Variants in MMS22L observed in about 807,000 individuals in gnomAD.
The protein encoded by MMS22L is MMS22 like, DNA repair protein.
MMS22L carries 74 observed loss-of-function variants against 159.1 expected under a neutral mutation model. The ratio of observed to expected loss-of-function variants is 0.47; its 90% CI spans 0.39 to 0.56. The LOEUF is 0.56. Ranked by LOEUF, MMS22L falls within the 20% of genes least tolerant of loss-of-function variation. The pLI is 0.00. For synonymous variants in MMS22L, 517 were observed against 506.9 expected (o/e 1.02, Z -0.27); for missense variants, 1,351 against 1,422.1 (o/e 0.95, Z 0.80).
intron 17 of MMS22L, among the ~76,000 whole-genome samples, chr6:97,179,058 C>T (rs1804412883): frequency 6.6e-6 from 1 of 151,992 alleles, no homozygotes; most frequent in African/African-American, 2.4e-5. Context: ...AGGGTGTTCA[C>T]AGTGTGATAT....
At chr6:97,212,237 T>A (rs190971401) in intron 14 of MMS22L, among the ~76,000 whole-genome samples, 2 of 152,302 alleles carry the variant, frequency 1.3e-5, no homozygotes, top group East Asian at 3.9e-4. Flanking sequence ...GGGCACTCAA[T>A]AAGTGTACTG....
chr6:97,254,501 A>G lies in MMS22L; in HGVS notation c.1119+56T>C, dbSNP rs1003709043. On this transcript the variant is annotated intron_variant, in intron 10 of 24. Transcript: ENST00000683635. ...TGCTCACTTATTTTCTAATTTGTCC[A>G]AATAATTACATATTAATTGACAATA... The G allele has an allele frequency of 4.2e-6, 6 of 1,416,220 alleles. No individual in the cohort carries two copies. The African/African-American group carries it at 8.7e-5, about 20-fold the overall frequency. The allele number at this position is 1,416,220 out of a possible 1,614,324, so 87.7% of individuals were successfully genotyped here.
intron 17 of MMS22L, 131 bp from the exon 18 acceptor site, chr6:97,178,716 T>C (rs1562423158): frequency 2.3e-6 from 1 of 440,168 alleles, no homozygotes; most frequent in Non-Finnish European, 3.8e-6. Context: ...ATGCTTTCTT[T>C]TAAAATTCAA....
intron 14 of MMS22L, among the ~76,000 whole-genome samples, chr6:97,196,219 G>A (rs571240058): frequency 3.3e-5 from 5 of 152,154 alleles, no homozygotes; most frequent in East Asian, 1.9e-4. Context: ...GTTAAGTGCC[G>A]AGACAGAGGT....
At chr6:97,211,558 A>G (rs1003638582) in intron 14 of MMS22L, among the ~76,000 whole-genome samples, 8 of 152,150 alleles carry the variant, frequency 5.3e-5, no homozygotes, top group Non-Finnish European at 7.4e-5. Context: ...GCACAGCTCT[A>G]TGTAGCATCC....
At chr6:97,245,739 ATAT>A (rs1359199466) in intron 11 of MMS22L, among the ~76,000 whole-genome samples, 5 of 152,066 alleles carry the variant, frequency 3.3e-5, no homozygotes, top group Non-Finnish European at 7.4e-5. Flanking sequence ...TATGTGATTC[ATAT>A]TATAACTAAA....
intron 12 of MMS22L, 67 bp downstream of exon 12, chr6:97,233,794 A>C: frequency 6.7e-7 from 1 of 1,497,890 alleles, no homozygotes. Flanking sequence ...TTAAACCATA[A>C]AGACATTCCT....
At chr6:97,223,058 C>T (rs1424919158) in intron 14 of MMS22L, among the ~76,000 whole-genome samples, 2 of 152,096 alleles carry the variant, frequency 1.3e-5, no homozygotes, top group Non-Finnish European at 1.5e-5. Flanking sequence ...TCAGTATTTT[C>T]ACAATGCTAC....
chr6:97,263,061 G>T (rs9398374), intron 9 of MMS22L, among the ~76,000 whole-genome samples: 14 of 151,822 alleles, frequency 9.2e-5, no homozygotes, highest in Non-Finnish European at 8.8e-5. Flanking sequence ...ACCTTAGTCT[G>T]AAAGATTTCT....
intron 22 of MMS22L, among the ~76,000 whole-genome samples, chr6:97,158,779 T>G (rs552531217): frequency 3.2e-4 from 49 of 152,322 alleles, no homozygotes; most frequent in African/African-American, 1.1e-3. Context: ...GACAAGAATG[T>G]ATATTCTGTT....
intron 18 of MMS22L, among the ~76,000 whole-genome samples, chr6:97,175,113 G>A (rs1049945715): frequency 4.6e-5 from 7 of 152,082 alleles, no homozygotes; most frequent in African/African-American, 1.7e-4. Flanking sequence ...TATGATATTA[G>A]AAAATTTTAT....
chr6:97,214,048 C>T (rs1245777194), intron 14 of MMS22L, among the ~76,000 whole-genome samples: 2 of 151,946 alleles, frequency 1.3e-5, no homozygotes, highest in Non-Finnish European at 2.9e-5. Flanking sequence ...GCTATGGCTC[C>T]CATTCATTTT....
At chr6:97,156,062 T>C (rs1801807157) in intron 22 of MMS22L, among the ~76,000 whole-genome samples, 1 of 152,224 alleles carries the variant, frequency 6.6e-6, no homozygotes, top group Non-Finnish European at 1.5e-5. Context: ...GGTTTTGATT[T>C]GCATTTCTCT....
intron 4 of MMS22L, among the ~76,000 whole-genome samples, chr6:97,276,414 T>C (rs2128098798): frequency 6.6e-6 from 1 of 150,800 alleles, no homozygotes; most frequent in Admixed American, 6.6e-5. Flanking sequence ...ATGCCTTCCA[T>C]GAACCCAATT....
chr6:97,144,127 A>AAAAAG lies in MMS22L; in HGVS notation c.*2678_*2679insCTTTT, dbSNP rs1800782535. On this transcript the variant is annotated 3_prime_UTR_variant, in exon 25 of 25. Coordinates refer to ENST00000683635, the MANE Select transcript of MMS22L (RefSeq NM_001350599.2). ...CAACAAAAAAAAAAAAAAAAAAAAAAAGAGAGAGAAAAGCTGGAGTTATCA... is the reference window on the plus strand; with the variant it reads ...CAACAAAAAAAAAAAAAAAAAAAAAAAAAAGAGAGAGAGAAAAGCTGGAGTTATCA... 3.6e-5 allele frequency: 3 copies of AAAAAG among 83,360 alleles called. No individual in the cohort carries two copies. The highest frequency in any genetic ancestry group is 1.3e-4 in the African/African-American group (3 of 23,268). 5.2% of individuals were successfully genotyped at this position (83,360 alleles called of 1,614,324 possible). A position where few individuals can be genotyped will look rare whatever the true frequency, so the allele number is the denominator to read the frequency against.
In MMS22L at chr6:97,270,005, T is replaced by C; in HGVS notation, c.607-13A>G. 1 of 1,590,856 alleles carries C rather than the reference T, an allele frequency of 6.3e-7. No homozygotes were observed. Among genetic ancestry groups the C allele is most frequent in the African/African-American group, 1.3e-5 (1 of 74,582 alleles). On this transcript the variant is annotated splice_polypyrimidine_tract_variant and intron_variant, in intron 6 of 24. Coordinates refer to ENST00000683635, the MANE Select transcript of MMS22L (RefSeq NM_001350599.2). ...ACGGTGGAAAAAGCTGTGGATGACA[T>C]TATCAACTGTGATTGAGAATTCATT...
Position 97,254,582 on chromosome 6 carries a change from T to C in MMS22L, c.1094A>G (p.Asp365Gly), listed in dbSNP as rs748982325. Reference sequence around the variant, plus strand: ...CATTTCATCTGGTACTCCATGGCGATCAAACTTGTAAAATGATGCTACATG... The same window carrying C: ...CATTTCATCTGGTACTCCATGGCGACCAAACTTGTAAAATGATGCTACATG... ...ITHVASFYKF[D>G]RHGVPDEMRK... The change falls in exon 10 of 25, where the codon GAT becomes GGT. Residue 365 changes from aspartate (D) to glycine (G), a missense_variant. Asp to Gly is a moderately conservative substitution (Grantham distance 94). Transcript: ENST00000683635. 11 of 1,613,312 alleles carry C rather than the reference T, an allele frequency of 6.8e-6. No homozygotes were observed. Among genetic ancestry groups the C allele is most frequent in the Non-Finnish European group, 9.3e-6 (11 of 1,179,676 alleles).
intron 4 of MMS22L, among the ~76,000 whole-genome samples, chr6:97,274,630 T>C (rs1295355990): frequency 6.6e-6 from 1 of 151,892 alleles, no homozygotes; most frequent in Non-Finnish European, 1.5e-5. Context: ...AGAACCCAAA[T>C]ACAGCCCAAC....
chr6:97,181,993 T>C lies in MMS22L; in HGVS notation c.2295A>G (p.Pro765=). ...STAPSDFQPQ[P]VISIIQLFGW... Reference sequence around the variant, plus strand: ...CAAAAAGTTGAATAATTGATATAACTGGCTGAGGCTGAAAATCTGATGGAG... The same window carrying C: ...CAAAAAGTTGAATAATTGATATAACCGGCTGAGGCTGAAAATCTGATGGAG... Residue 765 remains proline (P), a synonymous_variant, in exon 16 of 25, where the codon CCA becomes CCG. Coordinates refer to ENST00000683635, the MANE Select transcript of MMS22L (RefSeq NM_001350599.2). The C allele has an allele frequency of 6.2e-7, 1 of 1,613,880 alleles. No homozygotes were observed. Among genetic ancestry groups the C allele is most frequent in the Non-Finnish European group, 8.5e-7 (1 of 1,179,812 alleles).
Sources: gnomAD v4.1 joint callset for allele counts (sites outside exome capture counted in the v4.1 genomes callset) on GRCh38, gnomAD v4.1.1 for gene constraint, MANE v1.5 for transcripts, NCBI Gene and HGNC (gene_info 2026-07-23, HGNC 2026-07-21) for gene names.